ARRB1: variants seen among roughly 807,000 people sequenced by gnomAD.
ARRB1 encodes the protein beta-arrestin-1.
In ARRB1, 21 loss-of-function variants were observed where a neutral mutation model predicts 56.8. That is an observed-to-expected ratio of 0.37 (90% CI 0.26 to 0.53). ARRB1 has a LOEUF of 0.53. Ranked by LOEUF, ARRB1 falls within the 20% of genes least tolerant of loss-of-function variation. The pLI is 0.88. For synonymous variants in ARRB1, 210 were observed against 218.6 expected (o/e 0.96, Z 0.35); for missense variants, 424 against 553.7 (o/e 0.77, Z 2.35).
chr11:75,283,491 G>C lies in ARRB1; in HGVS notation c.158-8C>G. On this transcript the variant is annotated splice_polypyrimidine_tract_variant and splice_region_variant and intron_variant, in intron 4 of 15. Transcript: ENST00000420843. ...AGGTCAGCGTCACATAGACTGTGGGGAGCGAGGAGCACTGAGGAGGGGCCT... is the reference window on the plus strand; with the variant it reads ...AGGTCAGCGTCACATAGACTGTGGGCAGCGAGGAGCACTGAGGAGGGGCCT... 1 of 1,598,940 alleles carries C rather than the reference G, an allele frequency of 6.3e-7. No individual in the cohort carries two copies. The highest frequency in any genetic ancestry group is 8.5e-7 in the Non-Finnish European group (1 of 1,170,998).
chr11:75,280,987 G>A, intron 7 of ARRB1, 88 bp downstream of exon 7: 1 of 1,433,866 alleles, frequency 7.0e-7, no homozygotes, highest in South Asian at 1.2e-5. Context: ...ACACTTCCAG[G>A]TATTGTTACT....
intron 1 of ARRB1, among the ~76,000 whole-genome samples, chr11:75,318,245 C>A (rs1291369019): frequency 6.7e-6 from 1 of 148,274 alleles, no homozygotes; most frequent in Non-Finnish European, 1.5e-5. Flanking sequence ...CTCACTGCAG[C>A]CTCAAACTCC....
chr11:75,343,616 T>C (rs1947721901), intron 1 of ARRB1, among the ~76,000 whole-genome samples: 1 of 152,104 alleles, frequency 6.6e-6, no homozygotes, highest in Non-Finnish European at 1.5e-5. Context: ...GGTTAAGTAA[T>C]CAGGGAAGCC....
chr11:75,340,032 T>C (rs1947670767), intron 1 of ARRB1, among the ~76,000 whole-genome samples: 1 of 152,154 alleles, frequency 6.6e-6, no homozygotes, highest in African/African-American at 2.4e-5. Context: ...ATAAATCCCC[T>C]TCCCACTCGG....
At chr11:75,301,343 T>C (rs1429641436) in intron 1 of ARRB1, among the ~76,000 whole-genome samples, 1 of 152,058 alleles carries the variant, frequency 6.6e-6, no homozygotes, top group Non-Finnish European at 1.5e-5. Context: ...GGGAAGAGGC[T>C]GGGCTGGAGA....
intron 1 of ARRB1, among the ~76,000 whole-genome samples, chr11:75,343,225 G>C (rs1471990090): frequency 6.6e-6 from 1 of 152,184 alleles, no homozygotes; most frequent in Non-Finnish European, 1.5e-5. Context: ...GAGAGAGAGA[G>C]ATTACAAGAA....
chr11:75,273,684 C>T (rs1946125371), intron 11 of ARRB1, among the ~76,000 whole-genome samples: 1 of 46,308 alleles, frequency 2.2e-5, no homozygotes, highest in Non-Finnish European at 6.9e-5. Context: ...GGACCCCTGA[C>T]TTGGAGGGGC....
chr11:75,302,993 T>C, intron 1 of ARRB1, among the ~76,000 whole-genome samples: 1 of 115,048 alleles, frequency 8.7e-6, no homozygotes, highest in Non-Finnish European at 1.7e-5. Context: ...CCCAGATTAT[T>C]ATTATCATTA....
intron 1 of ARRB1, among the ~76,000 whole-genome samples, chr11:75,340,780 G>A (rs1332423158): frequency 6.6e-6 from 1 of 152,152 alleles, no homozygotes; most frequent in African/African-American, 2.4e-5. Flanking sequence ...TAAGAAAGAG[G>A]AGCCTGGGGC....
chr11:75,298,844 A>G (rs1346022286), intron 1 of ARRB1, among the ~76,000 whole-genome samples: 3 of 152,176 alleles, frequency 2.0e-5, no homozygotes, highest in Admixed American at 1.3e-4. Flanking sequence ...GGAATAGTAC[A>G]TAGGCATAAA....
intron 1 of ARRB1, among the ~76,000 whole-genome samples, chr11:75,337,246 T>C (rs1219751965): frequency 6.6e-6 from 1 of 151,932 alleles, no homozygotes. Flanking sequence ...AGCCCAGGAG[T>C]TTGAGACCAG....
At chr11:75,295,119 C>T (rs1057310159) in intron 1 of ARRB1, among the ~76,000 whole-genome samples, 37 of 149,688 alleles carry the variant, frequency 2.5e-4, no homozygotes, top group African/African-American at 8.4e-4. Context: ...GCTACTCGAA[C>T]GCTGAGATGG....
chr11:75,282,004 T>C lies in ARRB1; in HGVS notation c.372A>G (p.Pro124=). The change falls in exon 6 of 16, where the codon CCA becomes CCG. Residue 124 remains proline (P), a synonymous_variant. Coordinates refer to ENST00000420843, the MANE Select transcript of ARRB1 (RefSeq NM_004041.5). ...PFTFEIPPNL[P]CSVTLQPGPE... is the part of the protein sequence containing the mutation. The stretch of plus-strand genomic sequence containing the variant: ...GCCCCGGCTGCAGTGTCACAGAACA[T>C]GGAAGGTTTGGAGGGATCTGTCAAG... 1 of 1,613,938 alleles carries C rather than the reference T, an allele frequency of 6.2e-7. No homozygotes were observed. The highest frequency in any genetic ancestry group is 8.5e-7 in the Non-Finnish European group (1 of 1,179,958).
At chr11:75,351,264 C>T (rs966925496) in intron 1 of ARRB1, among the ~76,000 whole-genome samples, 35 of 152,194 alleles carry the variant, frequency 2.3e-4, no homozygotes, top group African/African-American at 8.0e-4. Context: ...GCCTGTGCCA[C>T]GGGTTAGTGT....
chr11:75,281,827 A>C, intron 6 of ARRB1, 135 bp downstream of exon 6: 1 of 878,702 alleles, frequency 1.1e-6, no homozygotes, highest in Non-Finnish European at 1.8e-6. Context: ...AGGTGGGACC[A>C]GCTTAGCCTA....
chr11:75,269,633 T>C lies in ARRB1; in HGVS notation c.1023-674A>G, dbSNP rs35991329. On this transcript the variant is annotated intron_variant, in intron 13 of 15. Transcript: ENST00000420843. ...CCCTGATGGACAGAATAAGAGAAGGTATTCACATGGTACTGACCCTGTGCC... is the reference window on the plus strand; with the variant it reads ...CCCTGATGGACAGAATAAGAGAAGGCATTCACATGGTACTGACCCTGTGCC... 9.8e-3 allele frequency among the ~76,000 whole-genome samples: 1,488 copies of C among 152,318 alleles called. 27 individuals carry two copies. The highest frequency in any genetic ancestry group is 0.032 in the African/African-American group (1,314 of 41,560).
At chr11:75,305,109 C>A (rs1372862761) in intron 1 of ARRB1, among the ~76,000 whole-genome samples, 1 of 145,374 alleles carries the variant, frequency 6.9e-6, no homozygotes, top group Non-Finnish European at 1.5e-5. Context: ...CGGCTCACTG[C>A]AACCTCCACC....
chr11:75,290,031 T>G lies in ARRB1; in HGVS notation c.29A>C (p.Lys10Thr). ...CACCTTTCCATTTGGACTGGCCTTC[T>G]TGAACACTCTGTGGAGAGAAAGAGA... MGDKGTRVF[K>T]KASPNGKLTV... The change falls in exon 2 of 16, where the codon AAG (lysine) becomes ACG (threonine). Residue 10 changes from lysine (K) to threonine (T), a missense_variant. By Grantham distance (78) the Lys-to-Thr change is moderately conservative (BLOSUM62 -1). Around this residue, in one of 3 missense-constraint regions of ARRB1, gnomAD observed 301 missense variants for 387.9 expected, o/e 0.78. Transcript: ENST00000420843. 1 of 1,614,234 alleles carries G rather than the reference T, an allele frequency of 6.2e-7. No individual in the cohort carries two copies. The highest frequency in any genetic ancestry group is 1.1e-5 in the South Asian group (1 of 91,084).
At position 75,262,990 on chromosome 11, in the gene ARRB1, C is replaced by T. The variant is rs1466760405; in HGVS notation, c.*3173G>A. Among the ~76,000 whole-genome samples, 2 of 152,218 alleles carry T rather than the reference C, an allele frequency of 1.3e-5. No individual in the cohort carries two copies. Among genetic ancestry groups the T allele is most frequent in the African/African-American group, 4.8e-5 (2 of 41,466 alleles). Reference sequence around the variant, plus strand: ...CTGAGGAGGTCCCGCTGGCTCTCTGCTCGGTGGGTTTTCACCGGGGCATGC... The same window carrying T: ...CTGAGGAGGTCCCGCTGGCTCTCTGTTCGGTGGGTTTTCACCGGGGCATGC... On this transcript the variant is annotated 3_prime_UTR_variant, in exon 16 of 16. Transcript: ENST00000420843.
Sources: allele counts gnomAD v4.1 joint callset (sites outside exome capture counted in the v4.1 genomes callset), GRCh38; gene constraint gnomAD v4.1.1; regional missense constraint gnomAD v4.1.1; transcripts MANE v1.5; gene names NCBI Gene and HGNC (gene_info 2026-07-23, HGNC 2026-07-21).